Variants in TLK2 observed in about 807,000 individuals in gnomAD.
TLK2 encodes the protein tousled like kinase 2.
TLK2 carries 6 observed loss-of-function variants against 117.3 expected under a neutral mutation model. The ratio of observed to expected loss-of-function variants is 0.05; its 90% confidence interval spans 0.03 to 0.10. TLK2 has a LOEUF of 0.10. TLK2 is among the 10% of genes least tolerant of loss of function. The pLI, the probability that TLK2 is intolerant of heterozygous loss-of-function variation, is 1.00. For missense variants in TLK2, 299 were observed against 901.2 expected (o/e 0.33, Z 8.56); for synonymous variants, 257 against 316.7 (o/e 0.81, Z 2.00).
chr17:62,514,611 T>C (rs1666413320), intron 2 of TLK2, among the ~76,000 whole-genome samples: 1 of 148,552 alleles, frequency 6.7e-6, no homozygotes, highest in South Asian at 2.2e-4. Flanking sequence ...GGAGTTTTGC[T>C]CTTGTTGCCC....
intron 2 of TLK2, chr17:62,516,601 C>T: frequency 6.2e-7 from 1 of 1,610,264 alleles, no homozygotes; most frequent in Non-Finnish European, 8.5e-7. Context: ...TTTCACGTAG[C>T]CTCGGCACTT....
At chr17:62,518,468 C>G (rs892739007) in intron 2 of TLK2, among the ~76,000 whole-genome samples, 1 of 152,130 alleles carries the variant, frequency 6.6e-6, no homozygotes, top group Non-Finnish European at 1.5e-5. Context: ...CTTTGGGAGT[C>G]TGAGGTGGGC....
chr17:62,593,444 G>A (rs914477902), intron 16 of TLK2, among the ~76,000 whole-genome samples: 5 of 151,666 alleles, frequency 3.3e-5, no homozygotes, highest in African/African-American at 1.2e-4. Context: ...ATAACACTTA[G>A]CTTAAAAAAA....
intron 16 of TLK2, among the ~76,000 whole-genome samples, chr17:62,593,798 T>C (rs1162265955): frequency 1.3e-5 from 2 of 150,122 alleles, no homozygotes; most frequent in Non-Finnish European, 1.5e-5. Flanking sequence ...TAAATTTTTT[T>C]TTTTTTTTTT....
At chr17:62,570,743 C>T (rs1020115660) in intron 11 of TLK2, among the ~76,000 whole-genome samples, 8 of 151,808 alleles carry the variant, frequency 5.3e-5, no homozygotes, top group Admixed American at 1.3e-4. Flanking sequence ...AATCTGTGTC[C>T]CTTGTGTTAT....
chr17:62,502,724 A>G (rs1313787208), intron 2 of TLK2, among the ~76,000 whole-genome samples: 1 of 152,256 alleles, frequency 6.6e-6, no homozygotes, highest in Non-Finnish European at 1.5e-5. Flanking sequence ...CATACTAGCA[A>G]TGAACAATTG....
At chr17:62,610,742 G>T (rs1387684138) in intron 21 of TLK2, among the ~76,000 whole-genome samples, 1 of 152,192 alleles carries the variant, frequency 6.6e-6, no homozygotes, top group Non-Finnish European at 1.5e-5. Context: ...GCAGGAGGGT[G>T]AGGGTAAGTG....
intron 7 of TLK2, among the ~76,000 whole-genome samples, chr17:62,543,867 T>A (rs2077716626): frequency 6.6e-6 from 1 of 152,216 alleles, no homozygotes; most frequent in Non-Finnish European, 1.5e-5. Flanking sequence ...TTTCTTTTGT[T>A]GCTTATGCTT....
intron 11 of TLK2, among the ~76,000 whole-genome samples, chr17:62,566,239 T>A (rs2079785419): frequency 6.6e-6 from 1 of 152,186 alleles, no homozygotes; most frequent in African/African-American, 2.4e-5. Context: ...ATAGACTGCC[T>A]TTCTTTCCTG....
intron 12 of TLK2, 68 bp from the exon 13 acceptor site, chr17:62,576,641 C>A: frequency 8.5e-7 from 1 of 1,175,100 alleles, no homozygotes; most frequent in Non-Finnish European, 1.3e-6. Flanking sequence ...TATATTTGAG[C>A]ATTTCTCTTT....
chr17:62,568,002 A>G (rs2079942123), intron 11 of TLK2, among the ~76,000 whole-genome samples: 1 of 152,202 alleles, frequency 6.6e-6, no homozygotes, highest in African/African-American at 2.4e-5. Flanking sequence ...TAGTTCTGAG[A>G]AAGTAATGTT....
At chr17:62,504,893 T>C (rs1274374816) in intron 2 of TLK2, among the ~76,000 whole-genome samples, 1 of 152,168 alleles carries the variant, frequency 6.6e-6, no homozygotes, top group Non-Finnish European at 1.5e-5. Flanking sequence ...TCACTCTGTC[T>C]CACTTAGTGG....
At chr17:62,486,386 T>G (rs1274018505) in intron 2 of TLK2, among the ~76,000 whole-genome samples, 3 of 152,112 alleles carry the variant, frequency 2.0e-5, no homozygotes, top group Admixed American at 2.0e-4. Context: ...GGTCTCTCTC[T>G]CTTGACCTCA....
chr17:62,474,899 CA>C (rs1250791340), upstream of TLK2, among the ~76,000 whole-genome samples: 1 of 151,532 alleles, frequency 6.6e-6, no homozygotes, highest in African/African-American at 2.4e-5. Context: ...TGGCCTCAAG[CA>C]ACCCTCCTGC....
At chr17:62,537,349 A>G (rs140419168) in intron 7 of TLK2, among the ~76,000 whole-genome samples, 2 of 152,388 alleles carry the variant, frequency 1.3e-5, no homozygotes, top group East Asian at 3.9e-4. Flanking sequence ...CTTTACCTTA[A>G]GAAAGAGATA....
chr17:62,489,734 T>A (rs2072904932), intron 2 of TLK2, among the ~76,000 whole-genome samples: 1 of 152,236 alleles, frequency 6.6e-6, no homozygotes, highest in Non-Finnish European at 1.5e-5. Flanking sequence ...TTTCTCATTA[T>A]TCACATTTTG....
Position 62,509,550 on chromosome 17 carries a change from T to C in TLK2, c.82-11223T>C, listed in dbSNP as rs180752526. 7.2e-5 allele frequency among the ~76,000 whole-genome samples: 11 copies of C among 152,364 alleles called. 1 individual carries two copies. The South Asian group carries it at 8.3e-4, about 11-fold the overall frequency. On this transcript the variant is annotated intron_variant, in intron 2 of 21. Transcript: ENST00000346027. ...AAATGGCTACAGCAGATTATTCCTT[T>C]GTTTTGTTTCAAGTAGGTTATCCTA...
At chr17:62,593,695 A>C (rs1200407273) in intron 16 of TLK2, among the ~76,000 whole-genome samples, 1 of 151,904 alleles carries the variant, frequency 6.6e-6, no homozygotes, top group African/African-American at 2.4e-5. Flanking sequence ...CCCCATGATA[A>C]CAATGCCTTT....
intron 9 of TLK2, among the ~76,000 whole-genome samples, chr17:62,556,271 T>C (rs570423724): frequency 4.6e-5 from 7 of 152,366 alleles, no homozygotes; most frequent in African/African-American, 1.4e-4. Flanking sequence ...TAAGTTCTTA[T>C]GTATAGAGTA....
Sources: allele counts gnomAD v4.1 joint callset (sites outside exome capture counted in the v4.1 genomes callset), GRCh38; gene constraint gnomAD v4.1.1; transcripts MANE v1.5; gene names NCBI Gene and HGNC (gene_info 2026-07-23, HGNC 2026-07-21).